CAMK2D: variants seen among roughly 807,000 people sequenced by gnomAD.
CAMK2D encodes the protein calcium/calmodulin dependent protein kinase II delta, also known as calcium/calmodulin-dependent protein kinase type II subunit delta.
In CAMK2D, 37 loss-of-function variants were observed where a neutral mutation model predicts 84.0. The observed-to-expected ratio is 0.44, with a 90% CI of 0.34 to 0.58. CAMK2D has a LOEUF of 0.58. Among genes scored for constraint, CAMK2D ranks in the 20% least tolerant of loss-of-function variants. The probability of loss-of-function intolerance (pLI) is 0.02; values close to 1 mark genes in which losing one functional copy is unlikely to be tolerated. For synonymous variants in CAMK2D, 202 were observed against 212.5 expected, an observed-to-expected ratio of 0.95 and a Z score of 0.43; for missense variants, 448 against 652.5, an observed-to-expected ratio of 0.69 and a Z score of 3.41.
At chr4:113,480,389 T>C (rs949597457) in intron 16 of CAMK2D, among the ~76,000 whole-genome samples, 2 of 152,126 alleles carry the variant, frequency 1.3e-5, no homozygotes, top group African/African-American at 4.8e-5. Flanking sequence ...CCAAAGCGCG[T>C]CCTCCATTCC....
intron 3 of CAMK2D, among the ~76,000 whole-genome samples, chr4:113,655,606 GT>G (rs2099196232): frequency 6.6e-6 from 1 of 151,976 alleles, no homozygotes; most frequent in African/African-American, 2.4e-5. Flanking sequence ...TCTTTCTAAA[GT>G]CTACACAAAA....
intron 2 of CAMK2D, chr4:113,754,795 A>G: frequency 4.1e-6 from 4 of 982,784 alleles, no homozygotes; most frequent in Non-Finnish European, 4.8e-6. Flanking sequence ...GAATGTAAAT[A>G]CAACTAAACG....
chr4:113,503,425 T>G lies in CAMK2D; in HGVS notation c.1045-448A>C, dbSNP rs144879597. 1.5e-4 allele frequency: 57 copies of G among 369,746 alleles called. No homozygotes were observed. In the Admixed American group the frequency reaches 1.9e-3, roughly 12 times the overall value. 22.9% of individuals were successfully genotyped at this position (369,746 alleles called of 1,614,324 possible). On this transcript the variant is annotated intron_variant, in intron 14 of 20. Transcript: ENST00000511664. Reference sequence around the variant, plus strand: ...CAGTTATATTGGTTTGAAACTCGATTATGGTGTCATTAATTAATACGTAAC... The same window carrying G: ...CAGTTATATTGGTTTGAAACTCGATGATGGTGTCATTAATTAATACGTAAC...
intron 16 of CAMK2D, among the ~76,000 whole-genome samples, chr4:113,479,847 A>T (rs553158022): frequency 4.8e-4 from 73 of 152,342 alleles, no homozygotes; most frequent in African/African-American, 1.7e-3. Flanking sequence ...CTAGGCATTT[A>T]ATAGATTGTA....
At chr4:113,640,507 T>A (rs1225883597) in intron 3 of CAMK2D, among the ~76,000 whole-genome samples, 1 of 152,176 alleles carries the variant, frequency 6.6e-6, no homozygotes, top group Non-Finnish European at 1.5e-5. Flanking sequence ...GCTTACTATC[T>A]ATCAGAAAAG....
intron 2 of CAMK2D, among the ~76,000 whole-genome samples, chr4:113,715,738 G>C (rs1227913131): frequency 2.0e-5 from 3 of 152,120 alleles, no homozygotes; most frequent in East Asian, 3.9e-4. Context: ...ACAGCTGATT[G>C]TGTAACAAAA....
intron 2 of CAMK2D, among the ~76,000 whole-genome samples, chr4:113,678,888 CAT>C (rs1270945434): frequency 3.3e-5 from 5 of 152,106 alleles, no homozygotes; most frequent in Admixed American, 6.6e-5. Context: ...AATGAACACA[CAT>C]GTGATCAGCA....
intron 2 of CAMK2D, among the ~76,000 whole-genome samples, chr4:113,710,913 G>A (rs2099490282): frequency 6.6e-6 from 1 of 152,084 alleles, no homozygotes; most frequent in Admixed American, 6.5e-5. Context: ...TTTCTCTAAT[G>A]CATGTCTTCT....
At chr4:113,710,050 G>C (rs1324312655) in intron 2 of CAMK2D, among the ~76,000 whole-genome samples, 2 of 151,620 alleles carry the variant, frequency 1.3e-5, no homozygotes, top group African/African-American at 4.8e-5. Context: ...CAATCGCTCT[G>C]GGTTCACCAG....
At chr4:113,532,597 C>T (rs2098465403) in intron 7 of CAMK2D, among the ~76,000 whole-genome samples, 1 of 152,120 alleles carries the variant, frequency 6.6e-6, no homozygotes, top group African/African-American at 2.4e-5. Flanking sequence ...ACTTCTGTCC[C>T]CTCCACTCTC....
Position 113,628,185 on chromosome 4 carries a change from G to A in CAMK2D, c.221-18979C>T, listed in dbSNP as rs184435706. Among the ~76,000 whole-genome samples the A allele has an allele frequency of 3.9e-5, 6 of 152,144 alleles. No individual in the cohort carries two copies. In the East Asian group the frequency reaches 9.6e-4, roughly 24 times the overall value. On this transcript the variant is annotated intron_variant, in intron 3 of 20. Transcript: ENST00000511664. ...TTATAAGTTTGCATTTTGTAGATAC[G>A]ACCTTTCTAAATATTTAATATTGCA...
chr4:113,543,078 C>T (rs1367870063), intron 6 of CAMK2D, among the ~76,000 whole-genome samples: 1 of 152,228 alleles, frequency 6.6e-6, no homozygotes, highest in East Asian at 1.9e-4. Flanking sequence ...ATTTCGGGTA[C>T]ATTTGAACTG....
intron 4 of CAMK2D, among the ~76,000 whole-genome samples, chr4:113,565,581 G>C (rs1303632349): frequency 6.6e-6 from 1 of 151,146 alleles, no homozygotes; most frequent in Non-Finnish European, 1.5e-5. Context: ...ACCCCGGGAG[G>C]CAGAGGTTGC....
At chr4:113,540,111 C>T (rs1318627256) in intron 6 of CAMK2D, among the ~76,000 whole-genome samples, 2 of 152,106 alleles carry the variant, frequency 1.3e-5, no homozygotes, top group Non-Finnish European at 2.9e-5. Context: ...ATCACTAAGA[C>T]TTTCTAAAGC....
At chr4:113,734,122 T>C (rs543641859) in intron 2 of CAMK2D, among the ~76,000 whole-genome samples, 22 of 152,296 alleles carry the variant, frequency 1.4e-4, no homozygotes, top group Admixed American at 8.5e-4. Context: ...ATAGGGGTAG[T>C]TGATGTGTTT....
chr4:113,584,283 T>C (rs2098824020), intron 4 of CAMK2D, among the ~76,000 whole-genome samples: 1 of 152,092 alleles, frequency 6.6e-6, no homozygotes, highest in Admixed American at 6.5e-5. Context: ...CTTGGGGTGA[T>C]TACCATAAGC....
intron 3 of CAMK2D, among the ~76,000 whole-genome samples, chr4:113,658,809 A>G (rs2099214297): frequency 6.6e-6 from 1 of 152,216 alleles, no homozygotes; most frequent in Non-Finnish European, 1.5e-5. Context: ...GAGATAAAGG[A>G]TCACTCGAAA....
Position 113,661,776 on chromosome 4 carries a change from T to C in CAMK2D, c.161-4A>G. On this transcript the variant is annotated splice_region_variant and splice_polypyrimidine_tract_variant and intron_variant, in intron 2 of 20. Transcript: ENST00000511664. ...TCTCTTTCTAGTTTCTGATGATCTG[T>C]TAAAAAAAAAAACAGAATAAGGCAA... is the stretch of plus-strand genomic sequence containing the variant. 6.8e-7 allele frequency: 1 copy of C among 1,467,114 alleles called. No individual in the cohort carries two copies. The highest frequency in any genetic ancestry group is 9.2e-7 in the Non-Finnish European group (1 of 1,083,230). The allele number at this position is 1,467,114 out of a possible 1,614,324, so 90.9% of individuals were successfully genotyped here.
At chr4:113,543,576 A>G (rs2098545852) in intron 6 of CAMK2D, among the ~76,000 whole-genome samples, 1 of 152,018 alleles carries the variant, frequency 6.6e-6, no homozygotes, top group South Asian at 2.1e-4. Flanking sequence ...TTTCATGCAC[A>G]CAAGGTCTGT....
Sources: allele counts gnomAD v4.1 joint callset (sites outside exome capture counted in the v4.1 genomes callset), GRCh38; gene constraint gnomAD v4.1.1; transcripts MANE v1.5; gene names NCBI Gene and HGNC (gene_info 2026-07-23, HGNC 2026-07-21).